Variants in MLLT3 observed in about 807,000 individuals in gnomAD.
The protein encoded by MLLT3 is protein AF-9.
Under a neutral mutation model 53.2 loss-of-function variants are expected in MLLT3, and 4 were observed. The observed-to-expected ratio is 0.08, with a 90% CI of 0.04 to 0.17. The LOEUF (loss-of-function observed/expected upper bound fraction) is 0.17. Among genes scored for constraint, MLLT3 ranks in the 10% least tolerant of loss-of-function variants. MLLT3 has a pLI of 1.00. For synonymous variants in MLLT3, 283 were observed against 230.6 expected (o/e 1.23, Z -2.06); for missense variants, 569 against 684.0 (o/e 0.83, Z 1.87).
chr9:20,377,341 T>C (rs1278546874), intron 5 of MLLT3, among the ~76,000 whole-genome samples: 1 of 152,190 alleles, frequency 6.6e-6, no homozygotes, highest in East Asian at 1.9e-4. Context: ...TCAACATTTA[T>C]AACGGCAACA....
At chr9:20,589,252 G>A (rs934244638) in intron 2 of MLLT3, among the ~76,000 whole-genome samples, 7 of 151,982 alleles carry the variant, frequency 4.6e-5, no homozygotes, top group African/African-American at 1.7e-4. Flanking sequence ...ATACTATGCA[G>A]CCATAAAAAG....
rs116489796 is a variant in MLLT3 at position 20,384,993 on chromosome 9, T to C, written c.1126-19249A>G. ...TTCTTTGCCTTTTTAGATCTCATAA[T>C]CAACTAAAAATTCTTGCAGAAAAGT... On this transcript the variant is annotated intron_variant, in intron 5 of 10. Transcript: ENST00000380338. Among the ~76,000 whole-genome samples the C allele has an allele frequency of 6.0e-3, 909 of 152,212 alleles. 12 individuals are homozygous for C. The highest frequency in any genetic ancestry group is 0.02 in the African/African-American group (814 of 41,540).
intron 5 of MLLT3, among the ~76,000 whole-genome samples, chr9:20,375,186 T>C (rs1434885474): frequency 1.3e-5 from 2 of 152,200 alleles, no homozygotes; most frequent in Non-Finnish European, 2.9e-5. Flanking sequence ...GCAGGGTGCA[T>C]TTTAGATCAA....
At chr9:20,461,651 C>A (rs962375347) in intron 2 of MLLT3, among the ~76,000 whole-genome samples, 1 of 152,036 alleles carries the variant, frequency 6.6e-6, no homozygotes, top group South Asian at 2.1e-4. Context: ...AAAACGCTGC[C>A]AACTCCATAA....
chr9:20,517,290 A>G (rs1176446266), intron 2 of MLLT3, among the ~76,000 whole-genome samples: 1 of 152,196 alleles, frequency 6.6e-6, no homozygotes, highest in East Asian at 1.9e-4. Context: ...AAAAAAGAAC[A>G]ACACAAATCT....
rs149186812 is a variant in MLLT3 at position 20,592,881 on chromosome 9, A to G, written c.193+27773T>C. 1.8e-4 allele frequency among the ~76,000 whole-genome samples: 27 copies of G among 152,294 alleles called. No individual in the cohort carries two copies. The East Asian group carries it at 4.1e-3, about 23-fold the overall frequency. On this transcript the variant is annotated intron_variant, in intron 2 of 10. Transcript: ENST00000380338. Reference sequence around the variant, plus strand: ...TCCTGGGAATTTTAAGCCACTTCCTATGAGCAACAAAATTTCAGACAAGTT... The same window carrying G: ...TCCTGGGAATTTTAAGCCACTTCCTGTGAGCAACAAAATTTCAGACAAGTT...
intron 2 of MLLT3, among the ~76,000 whole-genome samples, chr9:20,471,315 T>C (rs1202657330): frequency 1.3e-5 from 2 of 151,980 alleles, no homozygotes; most frequent in Admixed American, 6.6e-5. Context: ...AGTAATGCGA[T>C]GTTGAGTGAA....
chr9:20,584,371 G>T (rs1303213187), intron 2 of MLLT3, among the ~76,000 whole-genome samples: 4 of 152,114 alleles, frequency 2.6e-5, no homozygotes, highest in Admixed American at 1.3e-4. Context: ...TCCAACCTCT[G>T]CCTGTTCCAA....
intron 2 of MLLT3, among the ~76,000 whole-genome samples, chr9:20,553,481 C>T (rs1249646892): frequency 6.6e-6 from 1 of 152,178 alleles, no homozygotes; most frequent in Non-Finnish European, 1.5e-5. Context: ...GACCTCAATT[C>T]CATCTGACCT....
chr9:20,384,958 T>A (rs2118706072), intron 5 of MLLT3, among the ~76,000 whole-genome samples: 1 of 152,262 alleles, frequency 6.6e-6, no homozygotes, highest in Admixed American at 6.5e-5. Context: ...GATTATCTGG[T>A]CTTTCCCTCT....
intron 2 of MLLT3, among the ~76,000 whole-genome samples, chr9:20,602,063 C>G (rs917597280): frequency 3.3e-5 from 5 of 152,150 alleles, no homozygotes; most frequent in African/African-American, 9.7e-5. Flanking sequence ...GATATAATCC[C>G]AGAAGTAAAA....
chr9:20,481,202 C>G (rs904541070), intron 2 of MLLT3, among the ~76,000 whole-genome samples: 1 of 152,192 alleles, frequency 6.6e-6, no homozygotes, highest in African/African-American at 2.4e-5. Context: ...TGTTTGGGAA[C>G]TGGAATATTA....
intron 2 of MLLT3, among the ~76,000 whole-genome samples, chr9:20,552,601 G>C (rs1428865062): frequency 5.3e-5 from 8 of 152,112 alleles, no homozygotes; most frequent in African/African-American, 1.7e-4. Flanking sequence ...CCAGTGATAG[G>C]TGTGATAATA....
At chr9:20,353,619 A>C (rs1301078356) in intron 9 of MLLT3, 23 bp from the exon 10 acceptor site, 3 of 1,597,658 alleles carry the variant, frequency 1.9e-6, no homozygotes, top group Non-Finnish European at 2.6e-6. Flanking sequence ...AATGTCCCCG[A>C]AAAGGACAAG....
In MLLT3 at chr9:20,622,169, T is replaced by A. The variant is rs1425985125; in HGVS notation, c.12+76A>T. ...AATTGGAACCGCGGAGCGCTGGCGC[T>A]GTCTGGGCTGCGGCGGCGCAGGGCG... On this transcript the variant is annotated intron_variant, in intron 1 of 10. Transcript: ENST00000380338. 4.8e-6 allele frequency: 7 copies of A among 1,447,400 alleles called. No homozygotes were observed. In the South Asian group the frequency reaches 7.0e-5, roughly 14 times the overall value. The allele number at this position is 1,447,400 out of a possible 1,614,324, so 89.7% of individuals were successfully genotyped here.
intron 2 of MLLT3, among the ~76,000 whole-genome samples, chr9:20,474,482 A>T (rs1012563108): frequency 6.6e-6 from 1 of 152,076 alleles, no homozygotes; most frequent in Non-Finnish European, 1.5e-5. Flanking sequence ...CTATCTTGTC[A>T]TTCTGTTCCT....
chr9:20,461,659 T>C (rs922408500), intron 2 of MLLT3, among the ~76,000 whole-genome samples: 1 of 152,146 alleles, frequency 6.6e-6, no homozygotes, highest in Non-Finnish European at 1.5e-5. Context: ...GCCAACTCCA[T>C]AAGACCTTCA....
intron 4 of MLLT3, among the ~76,000 whole-genome samples, chr9:20,425,817 A>G (rs1482960043): frequency 6.6e-6 from 1 of 152,038 alleles, no homozygotes; most frequent in Non-Finnish European, 1.5e-5. Flanking sequence ...AAGAATAAGT[A>G]GTAAATTTTC....
intron 2 of MLLT3, among the ~76,000 whole-genome samples, chr9:20,609,912 A>G (rs1221902459): frequency 1.3e-5 from 2 of 152,134 alleles, no homozygotes; most frequent in Non-Finnish European, 2.9e-5. Flanking sequence ...ACTACTACTT[A>G]GGAAGAGTCA....
Sources: gnomAD v4.1 joint callset for allele counts (sites outside exome capture counted in the v4.1 genomes callset) on GRCh38, gnomAD v4.1.1 for gene constraint, MANE v1.5 for transcripts, NCBI Gene and HGNC (gene_info 2026-07-23, HGNC 2026-07-21) for gene names.